SNX29: variants seen among roughly 807,000 people sequenced by gnomAD.
The protein encoded by SNX29 is sorting nexin 29, also known as sorting nexin-29.
Under a neutral mutation model 102.1 loss-of-function variants are expected in SNX29, and 78 were observed. That is an observed-to-expected ratio of 0.76 (90% confidence interval 0.64 to 0.92). SNX29 has a LOEUF of 0.92. SNX29 is among the 40% of genes least tolerant of loss of function. SNX29 has a pLI of 0.00. For missense variants in SNX29, 1,280 were observed against 1,061.7 expected, an observed-to-expected ratio of 1.21 and a Z score of -2.86; for synonymous variants, 580 against 414.5, an observed-to-expected ratio of 1.40 and a Z score of -4.85.
chr16:12,567,880 C>G (rs543007160), intron 20 of SNX29, among the ~76,000 whole-genome samples: 14 of 152,314 alleles, frequency 9.2e-5, no homozygotes, highest in South Asian at 4.2e-4. Flanking sequence ...TGCCGAGGGC[C>G]TCCCACACAA....
chr16:12,049,895 G>A (rs2050236167), intron 7 of SNX29, among the ~76,000 whole-genome samples: 1 of 152,214 alleles, frequency 6.6e-6, no homozygotes, highest in Non-Finnish European at 1.5e-5. Context: ...GGGATTACAA[G>A]TGTGAGCCAC....
intron 20 of SNX29, among the ~76,000 whole-genome samples, chr16:12,544,520 G>C (rs1004546214): frequency 6.6e-6 from 1 of 152,302 alleles, no homozygotes; most frequent in East Asian, 1.9e-4. Flanking sequence ...TTTCTGTGGG[G>C]AATTGTGTGG....
chr16:12,537,188 C>G (rs984893809), intron 20 of SNX29, among the ~76,000 whole-genome samples: 1 of 152,150 alleles, frequency 6.6e-6, no homozygotes. Flanking sequence ...ATCCCCCTGG[C>G]CAGCCCCTAA....
At chr16:12,112,211 G>A (rs1286771219) in intron 11 of SNX29, among the ~76,000 whole-genome samples, 2 of 152,212 alleles carry the variant, frequency 1.3e-5, no homozygotes, top group Non-Finnish European at 2.9e-5. Flanking sequence ...CCAGCTGCCA[G>A]TCTGTCCTGA....
chr16:12,463,850 G>GTT (rs1157085470), intron 18 of SNX29, among the ~76,000 whole-genome samples: 1 of 142,842 alleles, frequency 7.0e-6, no homozygotes, highest in African/African-American at 2.6e-5. Context: ...GTGTGTGTGT[G>GTT]TGTGAGAGAT....
chr16:12,042,056 G>C (rs956922863), intron 4 of SNX29, among the ~76,000 whole-genome samples: 6 of 152,054 alleles, frequency 3.9e-5, no homozygotes, highest in African/African-American at 1.5e-4. Flanking sequence ...TTTTGAGGCT[G>C]AGTCTTGTTC....
chr16:12,274,602 T>G (rs1390068020), intron 14 of SNX29, among the ~76,000 whole-genome samples: 2 of 151,680 alleles, frequency 1.3e-5, no homozygotes, highest in Non-Finnish European at 2.9e-5. Context: ...AGCTATGCCA[T>G]CTCAGTTCAC....
intron 14 of SNX29, among the ~76,000 whole-genome samples, chr16:12,204,108 A>G (rs1401701040): frequency 1.3e-5 from 2 of 152,086 alleles, no homozygotes; most frequent in African/African-American, 4.8e-5. Context: ...TTCCACATAG[A>G]GATTGGGAAT....
At chr16:12,542,842 A>G (rs1406832096) in intron 20 of SNX29, among the ~76,000 whole-genome samples, 1 of 151,988 alleles carries the variant, frequency 6.6e-6, no homozygotes, top group Non-Finnish European at 1.5e-5. Context: ...TGGACCCATG[A>G]GCAGTACTCA....
At chr16:12,043,217 C>T in intron 5 of SNX29, 140 bp downstream of exon 5, 2 of 1,123,196 alleles carry the variant, frequency 1.8e-6, no homozygotes, top group Non-Finnish European at 2.5e-6. Flanking sequence ...CCGGAGTGTT[C>T]TGCTGAGCTG....
At chr16:12,439,713 G>A (rs935026981) in intron 18 of SNX29, among the ~76,000 whole-genome samples, 1 of 151,532 alleles carries the variant, frequency 6.6e-6, no homozygotes, top group Non-Finnish European at 1.5e-5. Flanking sequence ...GATTGGGGTG[G>A]GGACACAGCT....
At position 12,027,472 on chromosome 16, in the gene SNX29, A is replaced by G. The variant is rs778314307; in HGVS notation, c.247+28A>G. ...ACTGCTCTGCCTGGCTGTAGCTTGG[A>G]GGAGCTTGTCTTCCTTCTGCTCTTT... On this transcript the variant is annotated intron_variant, in intron 4 of 20. Transcript: ENST00000566228. The G allele has an allele frequency of 9.9e-6, 16 of 1,611,952 alleles. No individual in the cohort carries two copies. In the East Asian group the frequency reaches 2.9e-4, roughly 29 times the overall value.
intron 18 of SNX29, among the ~76,000 whole-genome samples, chr16:12,425,461 C>G (rs1294056690): frequency 6.7e-6 from 1 of 149,500 alleles, no homozygotes; most frequent in African/African-American, 2.5e-5. Context: ...GGAGCCCTGG[C>G]TGCACACGTA....
At chr16:12,298,116 G>A (rs2080042357) in intron 15 of SNX29, among the ~76,000 whole-genome samples, 1 of 152,230 alleles carries the variant, frequency 6.6e-6, no homozygotes, top group Non-Finnish European at 1.5e-5. Flanking sequence ...GTTGCAGTGA[G>A]CTGTGATTGT....
chr16:12,561,830 C>T (rs1477049609), intron 20 of SNX29, among the ~76,000 whole-genome samples: 5 of 152,152 alleles, frequency 3.3e-5, no homozygotes, highest in Admixed American at 6.5e-5. Flanking sequence ...ACATCCTTCT[C>T]CCTGCAGGGG....
At chr16:12,472,253 G>A (rs2087381940) in intron 18 of SNX29, among the ~76,000 whole-genome samples, 1 of 152,168 alleles carries the variant, frequency 6.6e-6, no homozygotes, top group South Asian at 2.1e-4. Flanking sequence ...GGGGGTGGTG[G>A]CTCACGCCTG....
At chr16:12,332,119 T>G (rs2081307575) in intron 15 of SNX29, among the ~76,000 whole-genome samples, 1 of 152,174 alleles carries the variant, frequency 6.6e-6, no homozygotes, top group Non-Finnish European at 1.5e-5. Context: ...CTTTTGCTGT[T>G]ACTGATGCTG....
At chr16:12,445,971 C>T (rs779527191) in intron 18 of SNX29, among the ~76,000 whole-genome samples, 18 of 152,032 alleles carry the variant, frequency 1.2e-4, no homozygotes, top group African/African-American at 2.2e-4. Context: ...GTGGAGCTCC[C>T]GAGTCCACGC....
chr16:12,209,039 C>T (rs1263009644), intron 14 of SNX29, among the ~76,000 whole-genome samples: 1 of 152,126 alleles, frequency 6.6e-6, no homozygotes, highest in African/African-American at 2.4e-5. Context: ...CATGTTGTAG[C>T]TGCCTCTTTC....
Sources: gnomAD v4.1 joint callset for allele counts (sites outside exome capture counted in the v4.1 genomes callset) on GRCh38, gnomAD v4.1.1 for gene constraint, MANE v1.5 for transcripts, NCBI Gene and HGNC (gene_info 2026-07-23, HGNC 2026-07-21) for gene names.